ADAMTS7: variants seen among roughly 807,000 people sequenced by gnomAD.
ADAMTS7 encodes the protein ADAM metallopeptidase with thrombospondin type 1 motif 7.
Under a neutral mutation model 172.6 loss-of-function variants are expected in ADAMTS7, and 89 were observed. That is an observed-to-expected ratio of 0.52 (90% confidence interval 0.43 to 0.61). ADAMTS7 has a LOEUF of 0.61. Ranked by LOEUF, ADAMTS7 falls within the 20% of genes least tolerant of loss-of-function variation. ADAMTS7 has a pLI of 0.00. For missense variants in ADAMTS7, 1,973 were observed against 2,355.6 expected, an observed-to-expected ratio of 0.84 and a Z score of 3.36; for synonymous variants, 885 against 978.4, an observed-to-expected ratio of 0.90 and a Z score of 1.78.
In ADAMTS7 at chr15:78,787,206, C is replaced by A. The variant is rs558442416; in HGVS notation, c.1322+1025G>T. Among the ~76,000 whole-genome samples, 9 of 152,132 alleles carry A rather than the reference C, an allele frequency of 5.9e-5. No individual in the cohort carries two copies. In the East Asian group the frequency reaches 1.7e-3, roughly 29 times the overall value. On this transcript the variant is annotated intron_variant, in intron 8 of 23. Coordinates refer to ENST00000388820, the MANE Select transcript of ADAMTS7 (RefSeq NM_014272.5). ...ATTGCACAGGAGTCAGCACCCCTGA[C>A]CCCCGAGTTCTTCTGGGGTCAGCTA...
intron 1 of ADAMTS7, chr15:78,810,491 C>T (rs989797278): frequency 4.6e-5 from 7 of 152,380 alleles, no homozygotes; most frequent in African/African-American, 1.7e-4. Context: ...AGAGTTAACC[C>T]ATGGCCGGGA....
rs2055193313 is a variant in ADAMTS7 at position 78,768,266 on chromosome 15, G to A, written c.2519-7C>T. 5 of 1,610,384 alleles carry A rather than the reference G, an allele frequency of 3.1e-6. No individual in the cohort carries two copies. Among genetic ancestry groups the A allele is most frequent in the Non-Finnish European group, 4.2e-6 (5 of 1,179,540 alleles). On this transcript the variant is annotated splice_region_variant and splice_polypyrimidine_tract_variant and intron_variant, in intron 16 of 23. Transcript: ENST00000388820. Reference sequence around the variant, plus strand: ...ACATTCTGCCTCTGCACACCTAGGGGCCACGGGGCTCAGCCTGGGACTGGC... The same window carrying A: ...ACATTCTGCCTCTGCACACCTAGGGACCACGGGGCTCAGCCTGGGACTGGC...
At chr15:78,788,867 A>G (rs1309101191) in intron 7 of ADAMTS7, among the ~76,000 whole-genome samples, 4 of 152,236 alleles carry the variant, frequency 2.6e-5, no homozygotes, top group Non-Finnish European at 2.9e-5. Context: ...CTGAGCATCT[A>G]CTATGTGCCA....
intron 23 of ADAMTS7, among the ~76,000 whole-genome samples, chr15:78,761,668 C>T (rs1454479527): frequency 6.6e-6 from 1 of 152,222 alleles, no homozygotes; most frequent in Non-Finnish European, 1.5e-5. Context: ...AGGGCCACCC[C>T]ATTTCCTGCC....
rs2141522303 is a variant in ADAMTS7, at chr15:78,800,188, T to A, written c.456+4A>T. ...CCCAAGTATACATGTCCCAGCTCACTCACCAGGCCGTCGCAGGCGCTGATG... is the reference window on the plus strand; with the variant it reads ...CCCAAGTATACATGTCCCAGCTCACACACCAGGCCGTCGCAGGCGCTGATG... On this transcript the variant is annotated splice_donor_region_variant and intron_variant, in intron 2 of 23. Transcript: ENST00000388820. The A allele has an allele frequency of 6.3e-7, 1 of 1,591,530 alleles. No homozygotes were observed. The highest frequency in any genetic ancestry group is 8.5e-7 in the Non-Finnish European group (1 of 1,177,332).
intron 1 of ADAMTS7, among the ~76,000 whole-genome samples, chr15:78,807,874 T>A (rs977438606): frequency 1.7e-4 from 12 of 69,242 alleles, no homozygotes; most frequent in East Asian, 8.1e-4. Flanking sequence ...TATTTATTTC[T>A]TTTTTTTTTT....
At position 78,777,460 on chromosome 15, in the gene ADAMTS7, A is replaced by C. The variant is rs370656014; in HGVS notation, c.1451T>G (p.Phe484Cys). ...CCCACTCACATCCATGTCCTCGCAG[A>C]AGGCAGAGTAGGCCCCGTACTGGAG... ...CRLQYGAYSA[F>C]CEDMDNVCHT... The change falls in exon 9 of 24, where the codon TTC becomes TGC. Residue 484 changes from phenylalanine to cysteine, a missense_variant. Physicochemically the swap from Phe to Cys is radical, Grantham distance 205. Coordinates refer to ENST00000388820, the MANE Select transcript of ADAMTS7 (RefSeq NM_014272.5). 2.8e-5 allele frequency: 45 copies of C among 1,612,932 alleles called. No homozygotes were observed. The highest frequency in any genetic ancestry group is 3.7e-5 in the Non-Finnish European group (44 of 1,179,716).
intron 4 of ADAMTS7, among the ~76,000 whole-genome samples, chr15:78,795,775 C>T (rs1355596431): frequency 1.3e-5 from 2 of 152,240 alleles, no homozygotes; most frequent in Non-Finnish European, 2.9e-5. Flanking sequence ...CCAGGGGCTG[C>T]AGGAAGCAGC....
At chr15:78,796,425 C>G (rs2055643782) in intron 4 of ADAMTS7, among the ~76,000 whole-genome samples, 165 bp downstream of exon 4, 1 of 152,076 alleles carries the variant, frequency 6.6e-6, no homozygotes, top group Admixed American at 6.5e-5. Context: ...CTGCCAAGAC[C>G]CCCACCCCTT....
At chr15:78,807,641 A>G (rs1192803386) in intron 1 of ADAMTS7, among the ~76,000 whole-genome samples, 1 of 152,236 alleles carries the variant, frequency 6.6e-6, no homozygotes, top group African/African-American at 2.4e-5. Context: ...GATAATAATT[A>G]CAGCTGCTCT....
chr15:78,791,316 G>A (rs991462748), intron 4 of ADAMTS7, 93 bp from the exon 5 acceptor site: 71 of 890,276 alleles, frequency 8.0e-5, no homozygotes, highest in African/African-American at 1.0e-4. Flanking sequence ...GCAGGGCAAC[G>A]CACACCTGTG....
intron 17 of ADAMTS7, 50 bp from the exon 18 acceptor site, chr15:78,767,642 G>GCCC: frequency 6.7e-7 from 1 of 1,482,102 alleles, no homozygotes; most frequent in Non-Finnish European, 9.0e-7. Context: ...CAGGTGGCCT[G>GCCC]CAGGCTCACC....
rs1427281517 is a variant in ADAMTS7, at chr15:78,764,048, C to T, written c.4471G>A (p.Asp1491Asn). 3 of 1,538,394 alleles carry T rather than the reference C, an allele frequency of 2.0e-6. No individual in the cohort carries two copies. The South Asian group carries it at 3.6e-5, about 19-fold the overall frequency. ...GSSVRDVQCVDTRDLRPLRPF... is the reference protein window; with the variant it reads ...GSSVRDVQCVNTRDLRPLRPF... Reference sequence around the variant, plus strand: ...CGCAGTGGCCGGAGGTCCCGTGTGTCCACACACTGCACGTCCCGCACTGAG... The same window carrying T: ...CGCAGTGGCCGGAGGTCCCGTGTGTTCACACACTGCACGTCCCGCACTGAG... The change falls in exon 21 of 24, where the codon GAC becomes AAC. Residue 1491 changes from aspartate (D) to asparagine (N), a missense_variant. By Grantham distance (23) the Asp-to-Asn change is conservative. This residue lies in a region of ADAMTS7 where 218 missense variants were observed against 216.9 expected (regional missense o/e 1.01). Coordinates refer to ENST00000388820, the MANE Select transcript of ADAMTS7 (RefSeq NM_014272.5).
intron 8 of ADAMTS7, among the ~76,000 whole-genome samples, chr15:78,779,354 G>A (rs2055398157): frequency 1.3e-5 from 2 of 152,114 alleles, no homozygotes; most frequent in Admixed American, 6.5e-5. Context: ...TGCACTCAGG[G>A]CCCATAGGTC....
intron 4 of ADAMTS7, among the ~76,000 whole-genome samples, chr15:78,793,067 A>G (rs1173230073): frequency 6.6e-6 from 1 of 152,204 alleles, no homozygotes; most frequent in Non-Finnish European, 1.5e-5. Context: ...AGCCAACCTC[A>G]ATCGAGCTTA....
In ADAMTS7 at chr15:78,762,394, G is replaced by A. The variant is rs762775100; in HGVS notation, c.4903+9C>T. The A allele has an allele frequency of 5.5e-6, 8 of 1,442,720 alleles. No homozygotes were observed. The highest frequency in any genetic ancestry group is 7.3e-6 in the Non-Finnish European group (8 of 1,091,848). 89.4% of individuals were successfully genotyped at this position (1,442,720 alleles called of 1,614,324 possible). On this transcript the variant is annotated intron_variant, in intron 23 of 23. Coordinates refer to ENST00000388820, the MANE Select transcript of ADAMTS7 (RefSeq NM_014272.5). ...ACTTCAGCAGGGAGCCTGGGGTCAG[G>A]GGACTCACGGGGAGGCTCGACGGGC...
chr15:78,796,640 A>T lies in ADAMTS7; in HGVS notation c.769T>A (p.Tyr257Asn), dbSNP rs2055647777. ...CTCTCAACCTGCGGCTGTCCGTGGT[A>T]CTCCACCATTTTGGCATCAGCTACT... ...LVVADAKMVE[Y>N]HGQPQVESYV... is the part of the protein sequence containing the mutation. Residue 257 changes from tyrosine to asparagine, a missense_variant, in exon 4 of 24, where the codon TAC becomes AAC. Physicochemically the swap from Tyr to Asn is moderately radical, Grantham distance 143 (BLOSUM62 -2). Around this residue, in one of 8 missense-constraint regions of ADAMTS7, gnomAD observed 526 missense variants for 662.9 expected, o/e 0.79. Coordinates refer to ENST00000388820, the MANE Select transcript of ADAMTS7 (RefSeq NM_014272.5). 1 of 1,613,602 alleles carries T rather than the reference A, an allele frequency of 6.2e-7. No individual in the cohort carries two copies. The highest frequency in any genetic ancestry group is 1.7e-5 in the Admixed American group (1 of 59,980).
intron 8 of ADAMTS7, among the ~76,000 whole-genome samples, chr15:78,785,300 C>T (rs927061062): frequency 1.4e-4 from 21 of 152,056 alleles, no homozygotes; most frequent in African/African-American, 4.6e-4. Context: ...TCTGTAATCC[C>T]AGCACTTTGG....
intron 8 of ADAMTS7, 27 bp downstream of exon 8, chr15:78,788,204 A>G: frequency 6.2e-7 from 1 of 1,612,164 alleles, no homozygotes. Flanking sequence ...GGATCAAGGT[A>G]TAGGGGCCCA....
Sources: allele counts gnomAD v4.1 joint callset (sites outside exome capture counted in the v4.1 genomes callset), GRCh38; gene constraint gnomAD v4.1.1; regional missense constraint gnomAD v4.1.1; transcripts MANE v1.5; gene names NCBI Gene and HGNC (gene_info 2026-07-23, HGNC 2026-07-21).